The following PSPC1 variants were observed in gnomAD, a reference collection of about 807,000 sequenced individuals.
PSPC1 encodes the protein paraspeckle component 1.
A neutral mutation model predicts 51.6 loss-of-function variants in PSPC1; 14 were observed. The ratio of observed to expected loss-of-function variants is 0.27; its 90% confidence interval spans 0.18 to 0.42. The LOEUF (loss-of-function observed/expected upper bound fraction) is 0.42. Ranked by LOEUF, PSPC1 falls within the 10% of genes least tolerant of loss-of-function variation. PSPC1 has a pLI of 1.00. For missense variants in PSPC1, 406 were observed against 701.1 expected (o/e 0.58, Z 4.75); for synonymous variants, 193 against 231.9 (o/e 0.83, Z 1.53).
At chr13:19,781,863 TTAA>T (rs1332608637) in intron 1 of PSPC1, among the ~76,000 whole-genome samples, 4 of 152,204 alleles carry the variant, frequency 2.6e-5, no homozygotes, top group Non-Finnish European at 5.9e-5. Context: ...GGATGGGATG[TTAA>T]TAATTGTTTA....
Position 19,730,355 on chromosome 13 carries a change from T to C in PSPC1, c.1053-11A>G. 1 of 1,613,160 alleles carries C rather than the reference T, an allele frequency of 6.2e-7. No individual in the cohort carries two copies. The highest frequency in any genetic ancestry group is 8.5e-7 in the Non-Finnish European group (1 of 1,179,612). ...TGCTCCTCTTCATGTCTGAAAATTT[T>C]TCAAATAAAAATTTCAGCATCATAA... On this transcript the variant is annotated splice_polypyrimidine_tract_variant and intron_variant, in intron 5 of 8. Transcript: ENST00000338910.
At chr13:19,746,155 G>A (rs1160095866) in intron 4 of PSPC1, among the ~76,000 whole-genome samples, 1 of 151,684 alleles carries the variant, frequency 6.6e-6, no homozygotes, top group African/African-American at 2.4e-5. Flanking sequence ...TATAATCCTA[G>A]CACTTTGGGA....
At chr13:19,671,764 G>A, downstream of PSPC1, 1 of 1,438,302 alleles carries the variant, frequency 7.0e-7, no homozygotes, top group Non-Finnish European at 9.7e-7. Flanking sequence ...TTGGCCATTT[G>A]TGGGTTTTTT....
At chr13:19,696,785 G>A (rs1023229) in intron 6 of PSPC1, among the ~76,000 whole-genome samples, 120,038 of 152,110 alleles carry the variant, frequency 0.79, 48,585 homozygotes, top group East Asian at 0.96. Flanking sequence ...TACAAAAACA[G>A]TTACATTATT....
At chr13:19,700,804 CACTT>C (rs1413596236), downstream of PSPC1, among the ~76,000 whole-genome samples, 2 of 152,048 alleles carry the variant, frequency 1.3e-5, no homozygotes, top group African/African-American at 4.8e-5. Flanking sequence ...GACAACTTCA[CACTT>C]ACTTAGAAAG....
downstream of PSPC1, among the ~76,000 whole-genome samples, chr13:19,673,911 A>G (rs999072341): frequency 3.9e-5 from 6 of 152,228 alleles, no homozygotes; most frequent in African/African-American, 1.4e-4. Context: ...GTGCAGTTCA[A>G]GTGTACGCAG....
downstream of PSPC1, among the ~76,000 whole-genome samples, chr13:19,699,109 C>T (rs1270496321): frequency 2.6e-5 from 4 of 151,846 alleles, no homozygotes; most frequent in Non-Finnish European, 4.4e-5. Flanking sequence ...AAATTTCAAT[C>T]ATTAATATTG....
At position 19,782,807 on chromosome 13, in the gene PSPC1, G is replaced by A. The variant is rs1890121059; in HGVS notation, c.-50C>T. 6.7e-7 allele frequency: 1 copy of A among 1,481,914 alleles called. No homozygotes were observed. The highest frequency in any genetic ancestry group is 8.8e-7 in the Non-Finnish European group (1 of 1,131,390). 91.8% of individuals were successfully genotyped at this position (1,481,914 alleles called of 1,614,324 possible). ...GGATACAGGCCTAGATTTATAGACAGTGTGTCTATATATATGTATACGTCT... is the reference window on the plus strand; with the variant it reads ...GGATACAGGCCTAGATTTATAGACAATGTGTCTATATATATGTATACGTCT... On this transcript the variant is annotated 5_prime_UTR_variant, in exon 1 of 9. Transcript: ENST00000338910. This position sits in a 1 kb window ranked among gnomAD's most constrained non-coding sequence, Gnocchi z 4.5.
At chr13:19,736,967 T>C (rs1233010460) in intron 5 of PSPC1, 3 of 152,120 alleles carry the variant, frequency 2.0e-5, no homozygotes, top group Non-Finnish European at 2.9e-5. Context: ...GCTTGTTTAT[T>C]TGTTTTAAGA....
rs118124741 is a variant in PSPC1 at position 19,688,764 on chromosome 13, G to C, written c.1159-10941C>G. On this transcript the variant is annotated intron_variant and NMD_transcript_variant, in intron 6 of 7. Coordinates refer to the PSPC1 transcript ENST00000471658. Reference sequence around the variant, plus strand: ...TCGAGCGTCTACTAACTCAGCTCAAGCAATCTAGGCCCTTCACAAATATAA... The same window carrying C: ...TCGAGCGTCTACTAACTCAGCTCAACCAATCTAGGCCCTTCACAAATATAA... 4.6e-3 allele frequency among the ~76,000 whole-genome samples: 695 copies of C among 152,180 alleles called. 5 individuals are homozygous for C. Among genetic ancestry groups the C allele is most frequent in the South Asian group, 0.027 (129 of 4,812 alleles).
At chr13:19,780,734 C>A (rs1889866214) in intron 1 of PSPC1, among the ~76,000 whole-genome samples, 1 of 148,946 alleles carries the variant, frequency 6.7e-6, no homozygotes, top group Non-Finnish European at 1.5e-5. Context: ...TGTTTATCTG[C>A]TGACCTTCCC....
intron 4 of PSPC1, among the ~76,000 whole-genome samples, chr13:19,749,516 G>A (rs1301631846): frequency 2.2e-5 from 3 of 139,214 alleles, no homozygotes; most frequent in African/African-American, 5.4e-5. Context: ...GACAGAGTGA[G>A]ATTCTGTCTC....
chr13:19,700,910 A>G (rs1451021930), downstream of PSPC1, among the ~76,000 whole-genome samples: 1 of 151,914 alleles, frequency 6.6e-6, no homozygotes, highest in Non-Finnish European at 1.5e-5. Context: ...AATCCACAAG[A>G]AAAAAAAATT....
chr13:19,756,362 G>A (rs1382560298), intron 3 of PSPC1, among the ~76,000 whole-genome samples: 2 of 152,022 alleles, frequency 1.3e-5, no homozygotes, highest in African/African-American at 2.4e-5. Context: ...CCAATTCTTT[G>A]TTCAAGACGC....
At chr13:19,694,508 T>C (rs1472509106) in intron 6 of PSPC1, among the ~76,000 whole-genome samples, 1 of 152,248 alleles carries the variant, frequency 6.6e-6, no homozygotes, top group Non-Finnish European at 1.5e-5. Context: ...TGAGAAATTT[T>C]ACATTCTTTT....
At chr13:19,686,930 C>T (rs1050769820) in intron 6 of PSPC1, among the ~76,000 whole-genome samples, 5 of 152,174 alleles carry the variant, frequency 3.3e-5, no homozygotes, top group Non-Finnish European at 7.3e-5. Context: ...GGCGCGGTGG[C>T]TCATGCCTGT....
intron 6 of PSPC1, among the ~76,000 whole-genome samples, chr13:19,710,705 G>A (rs1189443882): frequency 1.3e-5 from 2 of 152,174 alleles, no homozygotes; most frequent in Non-Finnish European, 2.9e-5. Context: ...CTTAAATGGA[G>A]ATGTCCAAAG....
At chr13:19,734,940 T>C (rs1364682733) in intron 5 of PSPC1, among the ~76,000 whole-genome samples, 1 of 150,680 alleles carries the variant, frequency 6.6e-6, no homozygotes. Context: ...ATCACACCAC[T>C]GCATTACAGC....
chr13:19,760,690 T>C (rs911098722), intron 2 of PSPC1, among the ~76,000 whole-genome samples: 1 of 151,772 alleles, frequency 6.6e-6, no homozygotes, highest in Admixed American at 6.6e-5. Context: ...CCTGTCTCTA[T>C]AAAAAATTTT....
Sources: allele counts gnomAD v4.1 joint callset (sites outside exome capture counted in the v4.1 genomes callset), GRCh38; gene constraint gnomAD v4.1.1; non-coding constraint Gnocchi (gnomAD v3.1); transcripts MANE v1.5; gene names NCBI Gene and HGNC (gene_info 2026-07-23, HGNC 2026-07-21).